METTL9: variants seen among roughly 807,000 people sequenced by gnomAD.
METTL9 encodes methyltransferase 9, His-X-His N1(pi)-histidine, also known as protein-L-histidine N-pros-methyltransferase.
Under a neutral mutation model 36.0 loss-of-function variants are expected in METTL9, and 10 were observed. The observed-to-expected ratio is 0.28, with a 90% CI of 0.17 to 0.47. The LOEUF (loss-of-function observed/expected upper bound fraction) is 0.47. Among genes scored for constraint, METTL9 ranks in the 20% least tolerant of loss-of-function variants. The pLI, the probability that METTL9 is intolerant of heterozygous loss-of-function variation, is 0.99. For missense variants in METTL9, 246 were observed against 383.5 expected (o/e 0.64, Z 3.00); for synonymous variants, 175 against 149.7 (o/e 1.17, Z -1.23).
intron 2 of METTL9, among the ~76,000 whole-genome samples, chr16:21,616,919 T>G (rs1286969639): frequency 6.6e-6 from 1 of 152,114 alleles, no homozygotes; most frequent in African/African-American, 2.4e-5. Context: ...TCCTTCCACT[T>G]TTCCTTCCTA....
intron 4 of METTL9, among the ~76,000 whole-genome samples, chr16:21,647,837 C>T (rs1332720621): frequency 1.3e-5 from 2 of 152,138 alleles, no homozygotes; most frequent in South Asian, 2.1e-4. Flanking sequence ...AGCTTTCCTT[C>T]GATCCAATCA....
At chr16:21,613,191 TTTTTTTTTTTTTTA>T (rs1359906608) in intron 2 of METTL9, among the ~76,000 whole-genome samples, 2 of 46,930 alleles carry the variant, frequency 4.3e-5, no homozygotes, top group East Asian at 6.2e-4. Flanking sequence ...TTTTTTTTTT[TTTTTTTTTTTTTTA>T]AAGACAGTCC....
intron 1 of METTL9, among the ~76,000 whole-genome samples, chr16:21,601,729 CTGTGTGTGTGTGTGTG>C (rs57264395): frequency 4.8e-5 from 7 of 145,750 alleles, no homozygotes; most frequent in Non-Finnish European, 9.1e-5. Flanking sequence ...TATTTATATT[CTGTGTGTGTGTGTGTG>C]TGTGTGTGTG....
At position 21,605,397 on chromosome 16, in the gene METTL9, C is replaced by T. The variant is rs1269765032; in HGVS notation, c.165+5499C>T. 2.7e-5 allele frequency among the ~76,000 whole-genome samples: 4 copies of T among 150,152 alleles called. No individual in the cohort carries two copies. The Admixed American group carries it at 2.7e-4, about 10-fold the overall frequency. On this transcript the variant is annotated intron_variant, in intron 1 of 4. Transcript: ENST00000358154. ...CTGGCCTCAGTACATCCTCCTGCCT[C>T]GGCCTCCTGAGTAGCTTCTAAATCT... is the stretch of plus-strand genomic sequence containing the variant.
At chr16:21,605,938 C>G (rs922709449) in intron 1 of METTL9, among the ~76,000 whole-genome samples, 1 of 152,154 alleles carries the variant, frequency 6.6e-6, no homozygotes, top group Non-Finnish European at 1.5e-5. Context: ...GGTTCCCAGG[C>G]TGCCAGTGCT....
In METTL9 at chr16:21,628,384, A is replaced by G. The variant is rs562716258; in HGVS notation, c.751+3269A>G. Among the ~76,000 whole-genome samples the G allele has an allele frequency of 7.9e-5, 12 of 152,356 alleles. No individual in the cohort carries two copies. The South Asian group carries it at 2.5e-3, about 32-fold the overall frequency. On this transcript the variant is annotated intron_variant, in intron 4 of 4. Transcript: ENST00000358154. Reference sequence around the variant, plus strand: ...AGCTGGTAGTTACACATTTACCAGCACACCACTAGATGTATAACTTTACTA... The same window carrying G: ...AGCTGGTAGTTACACATTTACCAGCGCACCACTAGATGTATAACTTTACTA...
chr16:21,603,490 T>C (rs968355323), intron 1 of METTL9, among the ~76,000 whole-genome samples: 4 of 152,158 alleles, frequency 2.6e-5, no homozygotes, highest in Non-Finnish European at 5.9e-5. Flanking sequence ...ATTGACTCAC[T>C]GGGAAGAAAT....
intron 4 of METTL9, among the ~76,000 whole-genome samples, chr16:21,631,900 A>G (rs1340045813): frequency 3.3e-5 from 5 of 151,922 alleles, no homozygotes; most frequent in East Asian, 1.9e-4. Flanking sequence ...TACTACTTCC[A>G]TCTCTCTTTC....
intron 4 of METTL9, chr16:21,652,757 T>A: frequency 1.8e-6 from 1 of 558,268 alleles, no homozygotes; most frequent in Non-Finnish European, 3.2e-6. Flanking sequence ...CATTTAACAT[T>A]GAGATTTTGG....
upstream of METTL9, chr16:21,599,364 G>C (rs2152891552): frequency 1.2e-5 from 12 of 1,031,664 alleles, no homozygotes; most frequent in Non-Finnish European, 1.3e-5. This position sits in a 1 kb window ranked among gnomAD's most constrained non-coding sequence, Gnocchi z 4.4. Flanking sequence ...TAGAGGCCAA[G>C]GCAGGGCCGG....
At chr16:21,601,383 A>T (rs550512226) in intron 1 of METTL9, among the ~76,000 whole-genome samples, 1 of 152,312 alleles carries the variant, frequency 6.6e-6, no homozygotes, top group African/African-American at 2.4e-5. Flanking sequence ...AGTTGATAGA[A>T]ATAAGGTCCT....
chr16:21,646,081 C>T (rs1035909171), intron 4 of METTL9, among the ~76,000 whole-genome samples: 5 of 152,140 alleles, frequency 3.3e-5, no homozygotes, highest in Non-Finnish European at 5.9e-5. Context: ...AGGGAAGAGA[C>T]CCCAACAAGG....
chr16:21,635,665 G>T lies in METTL9; in HGVS notation c.751+10550G>T, dbSNP rs1022441599. Among the ~76,000 whole-genome samples, 10 of 152,118 alleles carry T rather than the reference G, an allele frequency of 6.6e-5. 1 individual carries two copies. Among genetic ancestry groups the T allele is most frequent in the African/African-American group, 2.4e-4 (10 of 41,418 alleles). On this transcript the variant is annotated intron_variant, in intron 4 of 4. Transcript: ENST00000358154. ...TAGGCCATAGTGCAGAAAAAAATGA[G>T]CCGCTTCTTTTTCAGGGTTTGTGGG...
intron 4 of METTL9, chr16:21,653,667 C>G (rs1966636140): frequency 6.5e-6 from 1 of 152,672 alleles, no homozygotes; most frequent in Admixed American, 6.6e-5. Context: ...TGCCATCAGC[C>G]CTGTTGTCAG....
intron 3 of METTL9, among the ~76,000 whole-genome samples, chr16:21,620,440 C>T (rs544229710): frequency 6.6e-6 from 1 of 152,168 alleles, no homozygotes; most frequent in African/African-American, 2.4e-5. Flanking sequence ...CACCTCCCCC[C>T]CTTAAAAAAA....
At chr16:21,632,441 G>T (rs912049150) in intron 4 of METTL9, among the ~76,000 whole-genome samples, 14 of 152,058 alleles carry the variant, frequency 9.2e-5, no homozygotes, top group Non-Finnish European at 1.8e-4. Context: ...AACTTCCATC[G>T]GTATATAGGT....
At chr16:21,655,004 C>T (rs1186399004) in intron 4 of METTL9, 2 of 564,758 alleles carry the variant, frequency 3.5e-6, no homozygotes, top group Non-Finnish European at 3.2e-6. Context: ...CATACTGACA[C>T]TCATTAACCT....
chr16:21,627,049 G>A (rs1965831469), intron 4 of METTL9: 2 of 985,440 alleles, frequency 2.0e-6, no homozygotes, highest in African/African-American at 1.7e-5. Context: ...AGTCTGGCAT[G>A]TGACACACTG....
intron 3 of METTL9, among the ~76,000 whole-genome samples, chr16:21,624,397 T>C (rs1272343762): frequency 2.6e-5 from 4 of 152,190 alleles, no homozygotes; most frequent in African/African-American, 9.6e-5. Flanking sequence ...AAACTTCGTA[T>C]GTGTTGAGAT....
Sources: gnomAD v4.1 joint callset for allele counts (sites outside exome capture counted in the v4.1 genomes callset) on GRCh38, gnomAD v4.1.1 for gene constraint, Gnocchi (gnomAD v3.1) non-coding constraint, MANE v1.5 for transcripts, NCBI Gene and HGNC (gene_info 2026-07-23, HGNC 2026-07-21) for gene names.